PTPRK: variants seen among roughly 807,000 people sequenced by gnomAD.
PTPRK encodes receptor-type tyrosine-protein phosphatase kappa.
In PTPRK, 75 loss-of-function variants were observed where a neutral mutation model predicts 178.0. The observed-to-expected ratio is 0.42, with a 90% CI of 0.35 to 0.51. The LOEUF (loss-of-function observed/expected upper bound fraction) is 0.51, where lower values mean the gene tolerates loss of function less well. Among genes scored for constraint, PTPRK ranks in the 20% least tolerant of loss-of-function variants. PTPRK has a pLI of 0.02. For synonymous variants in PTPRK, 637 were observed against 620.6 expected (o/e 1.03, Z -0.39); for missense variants, 1,441 against 1,797.8 (o/e 0.80, Z 3.59).
At chr6:128,495,478 A>T (rs1022798754) in intron 1 of PTPRK, among the ~76,000 whole-genome samples, 9 of 152,064 alleles carry the variant, frequency 5.9e-5, no homozygotes, top group Non-Finnish European at 1.3e-4. Flanking sequence ...ATCCTCCTTA[A>T]ATGTTACAGT....
chr6:128,089,648 T>C, intron 8 of PTPRK, 42 bp downstream of exon 8: 1 of 1,517,098 alleles, frequency 6.6e-7, no homozygotes, highest in South Asian at 1.1e-5. Context: ...ATTTTTCTTG[T>C]TAGAGAATTC....
chr6:127,999,038 A>G, intron 15 of PTPRK, 134 bp from the exon 16 acceptor site: 1 of 771,742 alleles, frequency 1.3e-6, no homozygotes. Flanking sequence ...AAGAAATATC[A>G]TACAGTATAG....
intron 1 of PTPRK, among the ~76,000 whole-genome samples, chr6:128,462,090 A>T (rs943253168): frequency 6.6e-5 from 10 of 152,096 alleles, no homozygotes; most frequent in African/African-American, 2.2e-4. Flanking sequence ...CAGCCTCCCA[A>T]GTAGCCAAGG....
chr6:128,295,062 T>C (rs1164149030), intron 3 of PTPRK, among the ~76,000 whole-genome samples: 1 of 152,082 alleles, frequency 6.6e-6, no homozygotes, highest in Non-Finnish European at 1.5e-5. Flanking sequence ...TGGAAGTCCT[T>C]AAGTCAGTAA....
chr6:128,163,838 G>T (rs1181634472), intron 7 of PTPRK, among the ~76,000 whole-genome samples: 2 of 151,442 alleles, frequency 1.3e-5, no homozygotes, highest in Non-Finnish European at 3.0e-5. Context: ...TGCAATGTTT[G>T]TTGGAGATGA....
intron 5 of PTPRK, among the ~76,000 whole-genome samples, chr6:128,222,468 C>T (rs1382911301): frequency 2.0e-5 from 3 of 152,118 alleles, no homozygotes; most frequent in African/African-American, 7.2e-5. Context: ...CCAAATTATC[C>T]TCCCTAACCC....
chr6:128,453,184 TACAA>T (rs1421593145), intron 1 of PTPRK, among the ~76,000 whole-genome samples: 1 of 152,198 alleles, frequency 6.6e-6, no homozygotes, highest in Non-Finnish European at 1.5e-5. Flanking sequence ...ATCTGAATAT[TACAA>T]ACAGTCATTC....
intron 2 of PTPRK, among the ~76,000 whole-genome samples, chr6:128,393,144 T>G (rs1038395309): frequency 6.6e-6 from 1 of 150,594 alleles, no homozygotes; most frequent in Admixed American, 6.6e-5. Context: ...CAGGCTGCAG[T>G]GCAGTGGCCT....
At chr6:128,485,720 A>T (rs1197673542) in intron 1 of PTPRK, among the ~76,000 whole-genome samples, 3 of 152,196 alleles carry the variant, frequency 2.0e-5, no homozygotes, top group African/African-American at 7.2e-5. Context: ...CACCAAAGAA[A>T]GGATTTCGAA....
chr6:128,315,901 CTT>C (rs1827934579), intron 3 of PTPRK, among the ~76,000 whole-genome samples: 1 of 152,136 alleles, frequency 6.6e-6, no homozygotes, highest in South Asian at 2.1e-4. Context: ...AAAAATAAGT[CTT>C]TGAAATGAAA....
chr6:128,148,783 TA>T (rs200132117), intron 7 of PTPRK, among the ~76,000 whole-genome samples: 2 of 151,988 alleles, frequency 1.3e-5, no homozygotes, highest in African/African-American at 2.4e-5. Flanking sequence ...AATACAAAAA[TA>T]AAAAAAATTT....
chr6:128,169,615 A>AT (rs1328507839), intron 7 of PTPRK, among the ~76,000 whole-genome samples: 1 of 151,946 alleles, frequency 6.6e-6, no homozygotes, highest in Non-Finnish European at 1.5e-5. Flanking sequence ...TCATACCTTG[A>AT]TTCTCTCATT....
chr6:128,217,697 A>G (rs1475462081), intron 6 of PTPRK, among the ~76,000 whole-genome samples: 1 of 152,096 alleles, frequency 6.6e-6, no homozygotes, highest in Non-Finnish European at 1.5e-5. Context: ...AGGCCTCGGC[A>G]TGTGCTGTGT....
chr6:128,022,955 C>T (rs1349763901), intron 13 of PTPRK, among the ~76,000 whole-genome samples: 1 of 152,210 alleles, frequency 6.6e-6, no homozygotes, highest in African/African-American at 2.4e-5. Context: ...CTTGGGATCA[C>T]TGCACGAACC....
At chr6:128,509,387 G>C (rs113828263) in intron 1 of PTPRK, among the ~76,000 whole-genome samples, 24 of 152,220 alleles carry the variant, frequency 1.6e-4, no homozygotes, top group Non-Finnish European at 2.6e-4. Context: ...CAAGAACCAT[G>C]CTCATTCTTC....
chr6:128,271,753 G>A (rs1819857391), intron 3 of PTPRK, among the ~76,000 whole-genome samples: 1 of 151,838 alleles, frequency 6.6e-6, no homozygotes, highest in Non-Finnish European at 1.5e-5. Context: ...TCTCCTCCAA[G>A]ACTATAGATG....
At chr6:128,309,798 AAATT>A (rs1443953340) in intron 3 of PTPRK, among the ~76,000 whole-genome samples, 1 of 152,172 alleles carries the variant, frequency 6.6e-6, no homozygotes, top group African/African-American at 2.4e-5. Flanking sequence ...CATGGCTAAT[AAATT>A]AACACCATTT....
At chr6:128,188,077 C>A (rs1252705109) in intron 6 of PTPRK, among the ~76,000 whole-genome samples, 1 of 151,980 alleles carries the variant, frequency 6.6e-6, no homozygotes, top group Admixed American at 6.6e-5. Flanking sequence ...AAGTGAGGTG[C>A]GAATAAATCC....
At chr6:128,123,843 T>G (rs2114413090) in intron 7 of PTPRK, among the ~76,000 whole-genome samples, 1 of 152,244 alleles carries the variant, frequency 6.6e-6, no homozygotes, top group Admixed American at 6.5e-5. Context: ...TGTCTGAATT[T>G]TTTTTCATGA....
Sources: gnomAD v4.1 joint callset for allele counts (sites outside exome capture counted in the v4.1 genomes callset) on GRCh38, gnomAD v4.1.1 for gene constraint, MANE v1.5 for transcripts, NCBI Gene and HGNC (gene_info 2026-07-23, HGNC 2026-07-21) for gene names.